Variants in FOXP2 observed in about 807,000 individuals in gnomAD.
The protein encoded by FOXP2 is forkhead box P2, also known as forkhead box protein P2.
A neutral mutation model predicts 115.8 loss-of-function variants in FOXP2; 12 were observed. The observed-to-expected ratio is 0.10, with a 90% CI of 0.07 to 0.17. The LOEUF (loss-of-function observed/expected upper bound fraction) is 0.17. Ranked by LOEUF, FOXP2 falls within the 10% of genes least tolerant of loss-of-function variation. FOXP2 has a pLI of 1.00. For missense variants in FOXP2, 629 were observed against 843.5 expected (o/e 0.75, Z 3.15); for synonymous variants, 328 against 297.7 (o/e 1.10, Z -1.05).
At chr7:114,591,564 C>G (rs1802439430) in intron 3 of FOXP2, among the ~76,000 whole-genome samples, 1 of 151,762 alleles carries the variant, frequency 6.6e-6, no homozygotes, top group Non-Finnish European at 1.5e-5. Context: ...CTCTGACTAC[C>G]AGAGATCTCA....
At chr7:114,420,164 A>C (rs1008225667) in intron 1 of FOXP2, among the ~76,000 whole-genome samples, 3 of 151,906 alleles carry the variant, frequency 2.0e-5, no homozygotes, top group African/African-American at 7.2e-5. Flanking sequence ...ATGTGGCAGG[A>C]AAGGTGAAAA....
At chr7:114,471,093 C>T (rs1441034088) in intron 2 of FOXP2, among the ~76,000 whole-genome samples, 2 of 152,078 alleles carry the variant, frequency 1.3e-5, no homozygotes, top group East Asian at 1.9e-4. Flanking sequence ...TCTCTTTTGC[C>T]TTGTCTGTAT....
At chr7:114,603,092 A>G (rs1049784835) in intron 3 of FOXP2, among the ~76,000 whole-genome samples, 2 of 152,160 alleles carry the variant, frequency 1.3e-5, no homozygotes, top group Non-Finnish European at 2.9e-5. Context: ...GTTTTTTCTT[A>G]TGGAACATCA....
At chr7:114,468,991 T>C (rs1380704816) in intron 2 of FOXP2, among the ~76,000 whole-genome samples, 4 of 152,190 alleles carry the variant, frequency 2.6e-5, no homozygotes, top group Non-Finnish European at 5.9e-5. Context: ...CTATTCTCAG[T>C]CTTCACTTGG....
chr7:114,422,334 C>T (rs1267429813), intron 1 of FOXP2, among the ~76,000 whole-genome samples: 1 of 151,466 alleles, frequency 6.6e-6, no homozygotes, highest in Non-Finnish European at 1.5e-5. Context: ...TCTGGGAAGT[C>T]ATTTTTTTTT....
chr7:114,628,298 A>C (rs931201843), intron 3 of FOXP2, among the ~76,000 whole-genome samples: 8 of 152,210 alleles, frequency 5.3e-5, no homozygotes. Flanking sequence ...ATATCTAAGC[A>C]TGTTAAATAA....
In FOXP2 at chr7:114,243,595, T is replaced by A. The variant is rs577567231; in HGVS notation, c.-101-44424T>A. ...AGACTTTATATTTGTGTCTTACTAC[T>A]TTTTGATTTTTAAATTGTTTATCCT... On this transcript the variant is annotated intron_variant, in intron 1 of 17. Transcript: ENST00000634411. Among the ~76,000 whole-genome samples, 4 of 152,350 alleles carry A rather than the reference T, an allele frequency of 2.6e-5. No individual in the cohort carries two copies. In the East Asian group the frequency reaches 7.7e-4, roughly 29 times the overall value.
At chr7:114,236,596 A>G (rs62469200) in intron 1 of FOXP2, among the ~76,000 whole-genome samples, 10,451 of 152,296 alleles carry the variant, frequency 0.069, 486 homozygotes, top group African/African-American at 0.13. Flanking sequence ...AGAAAAGAAT[A>G]GTTATTCACA....
intron 1 of FOXP2, among the ~76,000 whole-genome samples, chr7:114,237,758 G>C (rs1298273972): frequency 1.3e-5 from 2 of 151,928 alleles, no homozygotes; most frequent in East Asian, 3.9e-4. Context: ...CGGATTACTT[G>C]AGGCCAAGAG....
intron 13 of FOXP2, 136 bp from the exon 14 acceptor site, chr7:114,661,928 GC>G: frequency 9.3e-7 from 1 of 1,077,306 alleles, no homozygotes; most frequent in Admixed American, 2.1e-5. Context: ...GTAATATCAT[GC>G]CATATTTTGA....
At chr7:114,279,925 A>C (rs939962406) in intron 1 of FOXP2, among the ~76,000 whole-genome samples, 1 of 151,990 alleles carries the variant, frequency 6.6e-6, no homozygotes, top group Non-Finnish European at 1.5e-5. Context: ...TTTAAGGCTT[A>C]GGCATCTTAC....
At chr7:114,572,146 G>A (rs1801337252) in intron 3 of FOXP2, among the ~76,000 whole-genome samples, 2 of 151,340 alleles carry the variant, frequency 1.3e-5, no homozygotes, top group South Asian at 4.2e-4. Context: ...GATATTTATG[G>A]AAAATATGAA....
chr7:114,427,508 T>C (rs1340208996), intron 2 of FOXP2, among the ~76,000 whole-genome samples: 2 of 151,642 alleles, frequency 1.3e-5, no homozygotes, highest in African/African-American at 4.8e-5. Context: ...CATATACTTA[T>C]ATTAGGCCAG....
chr7:114,669,397 T>C (rs1231253069), intron 16 of FOXP2: 1 of 152,090 alleles, frequency 6.6e-6, no homozygotes, highest in Non-Finnish European at 1.5e-5. Context: ...TAAAACATTT[T>C]TATTTTCTAT....
chr7:114,279,004 T>C (rs1403361169), intron 1 of FOXP2, among the ~76,000 whole-genome samples: 3 of 152,034 alleles, frequency 2.0e-5, no homozygotes, highest in East Asian at 3.9e-4. Context: ...GTTATATGGG[T>C]AGATTAGAAT....
chr7:114,158,827 A>T (rs1233383580), upstream of FOXP2, among the ~76,000 whole-genome samples: 1 of 152,098 alleles, frequency 6.6e-6, no homozygotes. Context: ...TTTTCCGCAG[A>T]TGTTCACTCC....
chr7:114,153,270 C>T (rs1003997832), intron 1 of FOXP2, among the ~76,000 whole-genome samples: 1 of 152,006 alleles, frequency 6.6e-6, no homozygotes, highest in Admixed American at 6.6e-5. Context: ...TCAGGATTTG[C>T]AAAATGACAG....
intron 2 of FOXP2, among the ~76,000 whole-genome samples, chr7:114,392,168 G>C (rs1792619822): frequency 6.6e-6 from 1 of 152,182 alleles, no homozygotes; most frequent in Non-Finnish European, 1.5e-5. Context: ...CAGTTTTCCA[G>C]TAGATATAAT....
chr7:114,270,989 G>A (rs1192029785), intron 1 of FOXP2, among the ~76,000 whole-genome samples: 4 of 151,690 alleles, frequency 2.6e-5, no homozygotes, highest in African/African-American at 9.7e-5. Flanking sequence ...GTATGTGGAT[G>A]TCTAGTTGTT....
Sources: allele counts gnomAD v4.1 joint callset (sites outside exome capture counted in the v4.1 genomes callset), GRCh38; gene constraint gnomAD v4.1.1; transcripts MANE v1.5; gene names NCBI Gene and HGNC (gene_info 2026-07-23, HGNC 2026-07-21).